WDR44: variants seen among roughly 807,000 people sequenced by gnomAD.
WDR44 encodes the protein WD repeat domain 44, also known as WD repeat-containing protein 44.
Under a neutral mutation model 65.7 loss-of-function variants are expected in WDR44, and 9 were observed. That is an observed-to-expected ratio of 0.14 (90% CI 0.08 to 0.24). WDR44 has a LOEUF of 0.24. WDR44 is among the 10% of genes least tolerant of loss of function. The pLI, the probability that WDR44 is intolerant of heterozygous loss-of-function variation, is 1.00. For missense variants in WDR44, 425 were observed against 670.9 expected (o/e 0.63, Z 4.05); for synonymous variants, 220 against 235.2 (o/e 0.94, Z 0.59).
chrX:118,446,089 C>G (rs1016375768), intron 19 of WDR44, among the ~76,000 whole-genome samples: 1 of 105,437 alleles, frequency 9.5e-6, no homozygotes, highest in African/African-American at 3.4e-5. Flanking sequence ...GTCAGGAGTT[C>G]AAGACCAGCC....
intron 1 of WDR44, among the ~76,000 whole-genome samples, chrX:118,362,525 T>G (rs1015692282): frequency 3.6e-5 from 4 of 111,600 alleles, no homozygotes; most frequent in Non-Finnish European, 5.7e-5. Context: ...CCTTCCTGCT[T>G]TTTGCTGAGC....
intron 9 of WDR44, among the ~76,000 whole-genome samples, chrX:118,404,988 C>A (rs1053701198): frequency 1.8e-5 from 2 of 111,977 alleles, no homozygotes; most frequent in Non-Finnish European, 3.8e-5. Context: ...GCGTGAGCCA[C>A]TGCACCCGGC....
chrX:118,438,181 C>T (rs1373410371), intron 14 of WDR44, among the ~76,000 whole-genome samples: 10 of 111,059 alleles, frequency 9.0e-5, no homozygotes, highest in African/African-American at 3.0e-4. Context: ...CCACCTTTAT[C>T]ACACACAAAA....
chrX:118,371,511 G>T (rs949014881), intron 1 of WDR44, among the ~76,000 whole-genome samples: 1 of 111,695 alleles, frequency 9.0e-6, no homozygotes, highest in Non-Finnish European at 1.9e-5. Context: ...TTGATTTAAA[G>T]ATTTACCATA....
rs528353372 is a variant in WDR44, at chrX:118,426,014, G to T, written c.1738-6767G>T. Among the ~76,000 whole-genome samples the T allele has an allele frequency of 1.3e-4, 15 of 112,270 alleles. No homozygotes were observed. In the East Asian group the frequency reaches 3.1e-3, roughly 23 times the overall value. On this transcript the variant is annotated intron_variant, in intron 12 of 19. Coordinates refer to ENST00000254029, the MANE Select transcript of WDR44 (RefSeq NM_019045.5). ...CACTTGAACCCGGGAGGCGGAGGTTGCAGTGAGCTGAGATGGTGCCGCTGC... is the reference window on the plus strand; with the variant it reads ...CACTTGAACCCGGGAGGCGGAGGTTTCAGTGAGCTGAGATGGTGCCGCTGC...
At chrX:118,432,108 A>G (rs2057216827) in intron 12 of WDR44, among the ~76,000 whole-genome samples, 1 of 111,987 alleles carries the variant, frequency 8.9e-6, no homozygotes, top group Non-Finnish European at 1.9e-5. Flanking sequence ...AAAATGGCTT[A>G]AACAATGAGG....
intron 13 of WDR44, 109 bp downstream of exon 13, chrX:118,433,003 G>A (rs2057225434): frequency 1.6e-6 from 1 of 611,077 alleles, no homozygotes; most frequent in African/African-American, 2.3e-5. Flanking sequence ...TTGTCTTAAG[G>A]CCTTCAACTG....
At chrX:118,426,426 G>A (rs1226780140) in intron 12 of WDR44, among the ~76,000 whole-genome samples, 1 of 111,763 alleles carries the variant, frequency 8.9e-6, no homozygotes, top group Non-Finnish European at 1.9e-5. Context: ...CAGTGGCCGG[G>A]CATGGTGGCT....
rs1390877427 is a variant in WDR44 at position 118,445,246 on chromosome X, G to A, written c.2647+752G>A. Among the ~76,000 whole-genome samples the A allele has an allele frequency of 3.6e-5, 4 of 111,952 alleles. No homozygotes were observed. The East Asian group carries it at 1.1e-3, about 32-fold the overall frequency. The stretch of plus-strand genomic sequence containing the variant: ...GGAGGCAGAGCTTGCAGTGAGCTGA[G>A]ATCGCGCCACTGCACTCCAGCCTGT... On this transcript the variant is annotated intron_variant, in intron 19 of 19. Transcript: ENST00000254029.
Position 118,386,297 on chromosome X carries a change from C to T in WDR44, c.112-1043C>T, listed in dbSNP as rs936946307. ...TTGCTGTGCTTCTATAAATAGACAA[C>T]TTAAGATTGAGAAGAGTATTGTATT... On this transcript the variant is annotated intron_variant, in intron 2 of 19. Transcript: ENST00000254029. The T allele has an allele frequency of 1.5e-4, 47 of 315,695 alleles. 1 individual carries two copies. Among genetic ancestry groups the T allele is most frequent in the Middle Eastern group, 4.8e-4 (1 of 2,072 alleles). 26.0% of individuals were successfully genotyped at this position (315,695 alleles called of 1,213,427 possible). A position where few individuals can be genotyped will look rare whatever the true frequency, so the allele number is the denominator to read the frequency against.
chrX:118,367,093 A>G (rs1010475512), intron 1 of WDR44, among the ~76,000 whole-genome samples: 1 of 112,192 alleles, frequency 8.9e-6, no homozygotes, highest in Admixed American at 9.4e-5. Context: ...CTCAAAAAAA[A>G]AAAAAAATGA....
rs1413941508 is a variant in WDR44 at position 118,346,367 on chromosome X, A to G, written c.-137A>G. 1.5e-5 allele frequency: 8 copies of G among 538,472 alleles called. No individual in the cohort carries two copies. Among genetic ancestry groups the G allele is most frequent in the African/African-American group, 2.3e-5 (1 of 42,589 alleles). The allele number at this position is 538,472 out of a possible 1,213,427, so 44.4% of individuals were successfully genotyped here. A position where few individuals can be genotyped will look rare whatever the true frequency, so the allele number is the denominator to read the frequency against. ...CCCTTTCCTTAACAGTCTCCTCGCT[A>G]CAGATCGTCTGCTCCCTCAGCCTCG... is the stretch of plus-strand genomic sequence containing the variant. On this transcript the variant is annotated 5_prime_UTR_variant, in exon 1 of 20. Coordinates refer to ENST00000254029, the MANE Select transcript of WDR44 (RefSeq NM_019045.5).
At chrX:118,363,069 C>CT (rs752596331) in intron 1 of WDR44, among the ~76,000 whole-genome samples, 1 of 108,154 alleles carries the variant, frequency 9.2e-6, no homozygotes, top group Non-Finnish European at 1.9e-5. Flanking sequence ...GTGTCCAATG[C>CT]TTTTTTCTTT....
intron 4 of WDR44, among the ~76,000 whole-genome samples, chrX:118,393,552 A>T (rs1315150720): frequency 9.2e-6 from 1 of 108,621 alleles, no homozygotes; most frequent in Admixed American, 1.0e-4. Context: ...AGGTCGCGCC[A>T]TTGCACTCCA....
intron 9 of WDR44, 108 bp from the exon 10 acceptor site, chrX:118,406,767 T>G: frequency 1.3e-6 from 1 of 769,668 alleles, no homozygotes; most frequent in Non-Finnish European, 1.8e-6. Context: ...AATAAATAAA[T>G]TTTGCTCTTC....
rs2056863646 is a variant in WDR44 at position 118,396,093 on chromosome X, ATTT to A, written c.1053+754_1053+756del. Among the ~76,000 whole-genome samples, 3 of 111,481 alleles carry A rather than the reference ATTT, an allele frequency of 2.7e-5. No individual in the cohort carries two copies. In the South Asian group the frequency reaches 1.1e-3, roughly 41 times the overall value. Reference sequence around the variant, plus strand: ...ATGAATATATGTTATACCAAAATAAATTTTTTTATTATTTTAATGGTTTCTTAT... The same window carrying A: ...ATGAATATATGTTATACCAAAATAAATTTTATTATTTTAATGGTTTCTTAT... On this transcript the variant is annotated intron_variant, in intron 6 of 19. Coordinates refer to ENST00000254029, the MANE Select transcript of WDR44 (RefSeq NM_019045.5).
chrX:118,443,313 C>A (rs967005251), intron 17 of WDR44, among the ~76,000 whole-genome samples: 1 of 111,488 alleles, frequency 9.0e-6, no homozygotes, highest in Non-Finnish European at 1.9e-5. Flanking sequence ...CTTAAATCAT[C>A]ATTCCTCCCA....
At chrX:118,348,008 T>A (rs1244236411) in intron 1 of WDR44, among the ~76,000 whole-genome samples, 1 of 111,319 alleles carries the variant, frequency 9.0e-6, no homozygotes, top group Non-Finnish European at 1.9e-5. Flanking sequence ...AACTGACAAT[T>A]CAGATTGAAT....
chrX:118,431,020 T>G (rs1338997420), intron 12 of WDR44, among the ~76,000 whole-genome samples: 1 of 111,676 alleles, frequency 9.0e-6, no homozygotes, highest in Admixed American at 9.5e-5. Flanking sequence ...AAGATGTTTT[T>G]TATAAACTGT....
Sources: allele counts gnomAD v4.1 joint callset (sites outside exome capture counted in the v4.1 genomes callset), GRCh38; gene constraint gnomAD v4.1.1; transcripts MANE v1.5; gene names NCBI Gene and HGNC (gene_info 2026-07-23, HGNC 2026-07-21).